PLAUR: variants seen among roughly 807,000 people sequenced by gnomAD.
PLAUR encodes urokinase plasminogen activator surface receptor.
In PLAUR, 22 loss-of-function variants were observed where a neutral mutation model predicts 33.4. The ratio of observed to expected loss-of-function variants is 0.66; its 90% CI spans 0.47 to 0.94. The LOEUF (loss-of-function observed/expected upper bound fraction) is 0.94. PLAUR is among the 40% of genes least tolerant of loss of function. The probability of loss-of-function intolerance (pLI) is 0.00; values close to 1 mark genes in which losing one functional copy is unlikely to be tolerated. For missense variants in PLAUR, 408 were observed against 434.7 expected (o/e 0.94, Z 0.55); for synonymous variants, 148 against 167.3 (o/e 0.88, Z 0.89).
downstream of PLAUR, among the ~76,000 whole-genome samples, chr19:43,647,011 CT>C (rs2146179628): frequency 6.6e-6 from 1 of 152,104 alleles, no homozygotes; most frequent in Non-Finnish European, 1.5e-5. Context: ...AAACTCCTGC[CT>C]CAAGTGATCT....
intron 4 of PLAUR, among the ~76,000 whole-genome samples, chr19:43,656,265 T>A (rs4251879): frequency 0.1 from 13,845 of 137,500 alleles, 947 homozygotes; most frequent in Middle Eastern, 0.2. Flanking sequence ...AAAAAATAAA[T>A]AAATAAATAA....
At chr19:43,651,031 CAAA>C (rs747441567) in intron 6 of PLAUR, among the ~76,000 whole-genome samples, 5 of 85,372 alleles carry the variant, frequency 5.9e-5, no homozygotes, top group Admixed American at 1.2e-4. Context: ...GACTCCATTT[CAAA>C]AAAAAAAAAA....
In PLAUR at chr19:43,648,659, C is replaced by T. The variant is rs780631828; in HGVS notation, c.*231G>A. ...AATAACAACAACACAACAGCGGCAA[C>T]AATATTAATAATAACAAGAGCTCTC... On this transcript the variant is annotated 3_prime_UTR_variant, in exon 7 of 7. Transcript: ENST00000340093. 32 of 760,868 alleles carry T rather than the reference C, an allele frequency of 4.2e-5. No individual in the cohort carries two copies. The highest frequency in any genetic ancestry group is 5.6e-5 in the Non-Finnish European group (30 of 535,554). 47.1% of individuals were successfully genotyped at this position (760,868 alleles called of 1,614,324 possible).
At chr19:43,669,494 G>A (rs1329597242) in intron 1 of PLAUR, among the ~76,000 whole-genome samples, 2 of 152,246 alleles carry the variant, frequency 1.3e-5, no homozygotes, top group African/African-American at 4.8e-5. Flanking sequence ...GCAAGGAAGA[G>A]GCTTCGAAGA....
In PLAUR at chr19:43,648,744, A is replaced by G; in HGVS notation, c.*146T>C. Reference sequence around the variant, plus strand: ...TCTGCTTCACACAACTTTGTGAGATAGCTGTTTTCATAGCTGGGAAAACTG... The same window carrying G: ...TCTGCTTCACACAACTTTGTGAGATGGCTGTTTTCATAGCTGGGAAAACTG... On this transcript the variant is annotated 3_prime_UTR_variant, in exon 7 of 7. Transcript: ENST00000340093. 1 of 965,166 alleles carries G rather than the reference A, an allele frequency of 1.0e-6. No homozygotes were observed. The highest frequency in any genetic ancestry group is 1.5e-6 in the Non-Finnish European group (1 of 653,956). 59.8% of individuals were successfully genotyped at this position (965,166 alleles called of 1,614,324 possible). A position where few individuals can be genotyped will look rare whatever the true frequency, so the allele number is the denominator to read the frequency against.
chr19:43,667,736 C>T (rs780117270), intron 1 of PLAUR, 45 bp from the exon 2 acceptor site: 4 of 1,602,576 alleles, frequency 2.5e-6, no homozygotes, highest in Non-Finnish European at 3.4e-6. Flanking sequence ...CTACGCTTAG[C>T]TCCAAGACCC....
chr19:43,654,939 C>T (rs1600121613), intron 5 of PLAUR, among the ~76,000 whole-genome samples: 1 of 151,908 alleles, frequency 6.6e-6, no homozygotes, highest in South Asian at 2.1e-4. Flanking sequence ...CAGGTCTTGG[C>T]GAGGGCTGAT....
chr19:43,660,475 GT>G (rs34200864), intron 3 of PLAUR: 17,303 of 143,452 alleles, frequency 0.12, 1,024 homozygotes, highest in East Asian at 0.23. Flanking sequence ...GCCCGGCCTG[GT>G]TTTTTTTTTT....
chr19:43,666,907 C>T (rs1003926052), intron 2 of PLAUR, among the ~76,000 whole-genome samples: 7 of 144,808 alleles, frequency 4.8e-5, no homozygotes, highest in African/African-American at 7.7e-5. Flanking sequence ...GACAGGATCT[C>T]GCTCTGTCGC....
chr19:43,659,399 C>T lies in PLAUR; in HGVS notation c.311-2759G>A, dbSNP rs953015741. ...AACTCCTGGACTCAAATGATCCTGCCGCTTCGGCCTCCTAAAGTGCTGGGA... is the reference window on the plus strand; with the variant it reads ...AACTCCTGGACTCAAATGATCCTGCTGCTTCGGCCTCCTAAAGTGCTGGGA... On this transcript the variant is annotated intron_variant, in intron 3 of 6. Coordinates refer to ENST00000340093, the MANE Select transcript of PLAUR (RefSeq NM_002659.4). Among the ~76,000 whole-genome samples the T allele has an allele frequency of 1.4e-4, 21 of 152,046 alleles. 1 individual carries two copies. The highest frequency in any genetic ancestry group is 2.5e-4 in the Non-Finnish European group (17 of 67,992).
At chr19:43,650,762 C>T (rs368522241) in intron 6 of PLAUR, among the ~76,000 whole-genome samples, 4 of 152,056 alleles carry the variant, frequency 2.6e-5, no homozygotes, top group South Asian at 2.1e-4. Flanking sequence ...TGGCTGGGCA[C>T]GGTGGCTCAC....
intron 3 of PLAUR, among the ~76,000 whole-genome samples, chr19:43,662,600 C>T (rs1362933448): frequency 1.3e-5 from 2 of 152,188 alleles, no homozygotes; most frequent in Non-Finnish European, 2.9e-5. Flanking sequence ...CCCTGTGTAA[C>T]ATGCCCCTGC....
intron 3 of PLAUR, among the ~76,000 whole-genome samples, chr19:43,663,519 C>T (rs559328459): frequency 6.6e-6 from 1 of 151,970 alleles, no homozygotes; most frequent in African/African-American, 2.4e-5. Flanking sequence ...CGGTGGCTCA[C>T]GTCTGTAATC....
intron 6 of PLAUR, 67 bp from the exon 7 acceptor site, chr19:43,649,210 T>G: frequency 6.4e-7 from 1 of 1,555,350 alleles, no homozygotes; most frequent in Non-Finnish European, 8.8e-7. Context: ...CTCCAGTAGG[T>G]GACCTGCCAC....
At position 43,648,595 on chromosome 19, in the gene PLAUR, CT is replaced by C. The variant is rs1407370021; in HGVS notation, c.*294del. On this transcript the variant is annotated 3_prime_UTR_variant, in exon 7 of 7. Transcript: ENST00000340093. ...CTGGCCTTGTCCACTGGTACAAAAT[CT>C]TTATGTAAGTATAAAATAAATAATA... 2 of 985,890 alleles carry C rather than the reference CT, an allele frequency of 2.0e-6. No individual in the cohort carries two copies. Among genetic ancestry groups the C allele is most frequent in the Non-Finnish European group, 2.5e-6 (2 of 807,030 alleles). 61.1% of individuals were successfully genotyped at this position (985,890 alleles called of 1,614,324 possible).
At chr19:43,668,287 C>A (rs548582154) in intron 1 of PLAUR, 2 of 986,622 alleles carry the variant, frequency 2.0e-6, no homozygotes, top group Non-Finnish European at 1.2e-6. Flanking sequence ...TCTAGTTTCC[C>A]GCGAAGTTCT....
At chr19:43,669,979 G>A in intron 1 of PLAUR, 87 bp downstream of exon 1, 1 of 1,255,782 alleles carries the variant, frequency 8.0e-7, no homozygotes, top group Non-Finnish European at 1.1e-6. Flanking sequence ...GGACTGAACC[G>A]CATTCCTCCA....
intron 2 of PLAUR, chr19:43,667,286 G>T: frequency 2.3e-6 from 1 of 441,672 alleles, no homozygotes; most frequent in Non-Finnish European, 4.2e-6. Flanking sequence ...TGCATGGCGA[G>T]GAGTTGAGCT....
At chr19:43,665,220 T>C in intron 3 of PLAUR, 96 bp downstream of exon 3, 1 of 1,298,154 alleles carries the variant, frequency 7.7e-7, no homozygotes, top group Non-Finnish European at 1.1e-6. Context: ...GGAGTTGGGG[T>C]TCAGCTGATG....
Sources: gnomAD v4.1 joint callset for allele counts (sites outside exome capture counted in the v4.1 genomes callset) on GRCh38, gnomAD v4.1.1 for gene constraint, MANE v1.5 for transcripts, NCBI Gene and HGNC (gene_info 2026-07-23, HGNC 2026-07-21) for gene names.